The following TSC22D2 variants were observed in gnomAD, a reference collection of about 807,000 sequenced individuals.
The protein encoded by TSC22D2 is TSC22 domain family protein 2.
A neutral mutation model predicts 50.1 loss-of-function variants in TSC22D2; 5 were observed. The observed-to-expected ratio is 0.10, with a 90% CI of 0.05 to 0.21. TSC22D2 has a LOEUF of 0.21. Ranked by LOEUF, TSC22D2 falls within the 10% of genes least tolerant of loss-of-function variation. The probability of loss-of-function intolerance (pLI) is 1.00; values close to 1 mark genes in which losing one functional copy is unlikely to be tolerated. For synonymous variants in TSC22D2, 501 were observed against 450.1 expected, an observed-to-expected ratio of 1.11 and a Z score of -1.43; for missense variants, 1,003 against 1,015.5, an observed-to-expected ratio of 0.99 and a Z score of 0.17.
rs1290274472 is a variant in TSC22D2 at position 150,408,559 on chromosome 3, G to A, written c.-792G>A. ...CCCTCTCTGAGAGAAGCCGCGAGGG[G>A]AGGCCGAGACCGCCGTCGCCGCCCG... On this transcript the variant is annotated 5_prime_UTR_variant, in exon 1 of 3. Coordinates refer to ENST00000688009, the MANE Select transcript of TSC22D2 (RefSeq NM_001303264.2). 1 of 152,382 alleles carries A rather than the reference G, an allele frequency of 6.6e-6. No individual in the cohort carries two copies. Among genetic ancestry groups the A allele is most frequent in the Non-Finnish European group, 1.5e-5 (1 of 68,274 alleles). The allele number at this position is 152,382 out of a possible 1,614,324, so 9.4% of individuals were successfully genotyped here. A position where few individuals can be genotyped will look rare whatever the true frequency, so the allele number is the denominator to read the frequency against.
In TSC22D2 at chr3:150,462,557, T is replaced by G. The variant is rs1198746536; in HGVS notation, c.*3921T>G. On this transcript the variant is annotated 3_prime_UTR_variant, in exon 3 of 3. Coordinates refer to ENST00000688009, the MANE Select transcript of TSC22D2 (RefSeq NM_001303264.2). ...CATGAAGGAAGTTTGTCTTGGGTCT[T>G]TCTGTACCATTTTCCTCTCCACAAT... 1 of 152,138 alleles carries G rather than the reference T, an allele frequency of 6.6e-6. No homozygotes were observed. Among genetic ancestry groups the G allele is most frequent in the Non-Finnish European group, 1.5e-5 (1 of 68,026 alleles). The allele number at this position is 152,138 out of a possible 1,614,324, so 9.4% of individuals were successfully genotyped here. A position where few individuals can be genotyped will look rare whatever the true frequency, so the allele number is the denominator to read the frequency against.
At chr3:150,417,802 G>A (rs187188110) in intron 1 of TSC22D2, among the ~76,000 whole-genome samples, 144 of 152,130 alleles carry the variant, frequency 9.5e-4, no homozygotes, top group Admixed American at 2.8e-3. Flanking sequence ...TAATATGAAA[G>A]CGTAATTGTA....
At chr3:150,456,626 G>GGA (rs397950938) in intron 1 of TSC22D2, among the ~76,000 whole-genome samples, 37 of 56,770 alleles carry the variant, frequency 6.5e-4, no homozygotes, top group Middle Eastern at 0.01. Flanking sequence ...GGAGGGACTA[G>GGA]AAAAAAAAAA....
chr3:150,409,544 G>T lies in TSC22D2; in HGVS notation c.194G>T (p.Arg65Leu). The T allele has an allele frequency of 6.2e-7, 1 of 1,605,426 alleles. No individual in the cohort carries two copies. The highest frequency in any genetic ancestry group is 1.1e-5 in the South Asian group (1 of 90,942). Reference sequence around the variant, plus strand: ...TATGGCCCTGAGGAGGTCTGCGAGCGCAGCTCTTCCGAAGAGACGCTTAAC... The same window carrying T: ...TATGGCCCTGAGGAGGTCTGCGAGCTCAGCTCTTCCGAAGAGACGCTTAAC... ...TDYGPEEVCE[R>L]SSSEETLNNV... is the part of the protein sequence containing the mutation. Residue 65 changes from arginine (R) to leucine (L), a missense_variant, in exon 1 of 3, where the codon CGC (arginine) becomes CTC (leucine). By Grantham distance (102) the Arg-to-Leu change is moderately radical. Around this residue, in one of 6 missense-constraint regions of TSC22D2, gnomAD observed 200 missense variants for 182.8 expected, o/e 1.09. Coordinates refer to ENST00000688009, the MANE Select transcript of TSC22D2 (RefSeq NM_001303264.2). The surrounding 1 kb of genome is among the most constrained non-coding windows in gnomAD (Gnocchi z 7.4).
intron 1 of TSC22D2, among the ~76,000 whole-genome samples, chr3:150,449,370 TTCTA>T (rs1294542056): frequency 1.3e-5 from 2 of 152,178 alleles, no homozygotes; most frequent in Non-Finnish European, 2.9e-5. Flanking sequence ...GTACTCTTGC[TTCTA>T]TCTCTGTCCT....
chr3:150,426,605 C>T (rs556971314), intron 1 of TSC22D2, among the ~76,000 whole-genome samples: 1 of 152,150 alleles, frequency 6.6e-6, no homozygotes, highest in South Asian at 2.1e-4. Flanking sequence ...TTAACCTCAT[C>T]GATAAGCACT....
chr3:150,442,997 C>T (rs1189641335), intron 1 of TSC22D2, among the ~76,000 whole-genome samples: 2 of 152,116 alleles, frequency 1.3e-5, no homozygotes, highest in African/African-American at 2.4e-5. Flanking sequence ...AACCAATGCC[C>T]TTTTATTTAA....
intron 1 of TSC22D2, among the ~76,000 whole-genome samples, chr3:150,445,692 A>G (rs1416713473): frequency 6.6e-6 from 1 of 152,208 alleles, no homozygotes; most frequent in Non-Finnish European, 1.5e-5. Context: ...ACAGTCTCAC[A>G]TAATCCTTAT....
Position 150,410,839 on chromosome 3 carries a change from G to A in TSC22D2, c.1489G>A (p.Gly497Ser), listed in dbSNP as rs36123462. Reference sequence around the variant, plus strand: ...CAGTGGTCCGCTGTCAGCCGTACCTGGTGGCCCTCACGCCGTGGTGCCCGG... The same window carrying A: ...CAGTGGTCCGCTGTCAGCCGTACCTAGTGGCCCTCACGCCGTGGTGCCCGG... Reference protein sequence around the residue: ...GGSGPLSAVPGGPHAVVPGVP... With the variant: ...GGSGPLSAVPSGPHAVVPGVP... The change falls in exon 1 of 3, where the codon GGT becomes AGT. Residue 497 changes from glycine to serine, a missense_variant. Physicochemically the swap from Gly to Ser is moderately conservative, Grantham distance 56. Transcript: ENST00000688009. The A allele has an allele frequency of 8.4e-4, 1,359 of 1,613,740 alleles. 8 individuals are homozygous for A. The African/African-American group carries it at 0.016, about 19-fold the overall frequency.
chr3:150,417,073 A>G (rs754024068), intron 1 of TSC22D2, among the ~76,000 whole-genome samples: 2 of 152,130 alleles, frequency 1.3e-5, no homozygotes, highest in African/African-American at 2.4e-5. Flanking sequence ...TATACCTATT[A>G]TTAGGGTAGG....
At chr3:150,445,923 A>G (rs772771579) in intron 1 of TSC22D2, among the ~76,000 whole-genome samples, 2 of 151,792 alleles carry the variant, frequency 1.3e-5, no homozygotes, top group Middle Eastern at 3.2e-3. Flanking sequence ...GTGAAACCCC[A>G]TTTCTACTAA....
chr3:150,438,666 C>T (rs1720624195), intron 1 of TSC22D2, among the ~76,000 whole-genome samples: 1 of 151,958 alleles, frequency 6.6e-6, no homozygotes, highest in Admixed American at 6.6e-5. Context: ...AACCCAAATA[C>T]TTTTTAGGTG....
intron 1 of TSC22D2, among the ~76,000 whole-genome samples, chr3:150,415,764 T>C (rs776404050): frequency 6.6e-5 from 10 of 152,168 alleles, no homozygotes; most frequent in Non-Finnish European, 1.0e-4. Context: ...TACAGTGAGC[T>C]ATATTATAAT....
rs756616791 is a variant in TSC22D2 at position 150,409,814 on chromosome 3, C to T, written c.464C>T (p.Pro155Leu). 6 of 1,604,502 alleles carry T rather than the reference C, an allele frequency of 3.7e-6. No homozygotes were observed. In the African/African-American group the frequency reaches 8.0e-5, roughly 21 times the overall value. The change falls in exon 1 of 3, where the codon CCC (proline) becomes CTC (leucine). Residue 155 changes from proline to leucine, a missense_variant. Pro to Leu is a moderately conservative substitution (Grantham distance 98, BLOSUM62 -3). Around this residue, in one of 6 missense-constraint regions of TSC22D2, gnomAD observed 200 missense variants for 182.8 expected, o/e 1.09. Coordinates refer to ENST00000688009, the MANE Select transcript of TSC22D2 (RefSeq NM_001303264.2). The surrounding 1 kb of genome is among the most constrained non-coding windows in gnomAD (Gnocchi z 7.4). The part of the protein sequence containing the change: ...GPVTAAPSQP[P>L]TTCSSRFRVI... Reference sequence around the variant, plus strand: ...GTGACTGCAGCCCCATCTCAGCCTCCCACCACATGTAGTTCCCGTTTTCGC... The same window carrying T: ...GTGACTGCAGCCCCATCTCAGCCTCTCACCACATGTAGTTCCCGTTTTCGC...
intron 1 of TSC22D2, among the ~76,000 whole-genome samples, chr3:150,421,184 A>G (rs1356679911): frequency 6.6e-6 from 1 of 152,242 alleles, no homozygotes; most frequent in Non-Finnish European, 1.5e-5. Flanking sequence ...CTTGCAGAAT[A>G]ACTTCCAAGA....
chr3:150,424,174 A>G (rs1327156965), intron 1 of TSC22D2, among the ~76,000 whole-genome samples: 1 of 152,188 alleles, frequency 6.6e-6, no homozygotes, highest in Non-Finnish European at 1.5e-5. Flanking sequence ...TAGAACAGGA[A>G]GTTTTAAAAT....
intron 1 of TSC22D2, among the ~76,000 whole-genome samples, chr3:150,444,666 T>A (rs559589045): frequency 6.6e-6 from 1 of 152,338 alleles, no homozygotes; most frequent in Admixed American, 6.5e-5. Flanking sequence ...TATTGTAAAA[T>A]TCTGTCATTC....
At chr3:150,440,063 T>C (rs950300814) in intron 1 of TSC22D2, among the ~76,000 whole-genome samples, 1 of 152,224 alleles carries the variant, frequency 6.6e-6, no homozygotes, top group Non-Finnish European at 1.5e-5. Flanking sequence ...TTAATAGATA[T>C]TATCAATATC....
rs752529992 is a variant in TSC22D2, at chr3:150,410,398, G to A, written c.1048G>A (p.Ala350Thr). The part of the protein sequence containing the change: ...PQPGPAVGAP[A>T]AQQPQQFAYP... ...GCCGGGCCCTGCAGTGGGCGCCCCC[G>A]CGGCGCAGCAGCCCCAGCAGTTCGC... Residue 350 changes from alanine (A) to threonine (T), a missense_variant, in exon 1 of 3, where the codon GCG (alanine) becomes ACG (threonine). By Grantham distance (58) the Ala-to-Thr change is moderately conservative (BLOSUM62 0). Transcript: ENST00000688009. 1 of 1,607,294 alleles carries A rather than the reference G, an allele frequency of 6.2e-7. No individual in the cohort carries two copies.
Sources: allele counts gnomAD v4.1 joint callset (sites outside exome capture counted in the v4.1 genomes callset), GRCh38; gene constraint gnomAD v4.1.1; regional missense constraint gnomAD v4.1.1; non-coding constraint Gnocchi (gnomAD v3.1); transcripts MANE v1.5; gene names NCBI Gene and HGNC (gene_info 2026-07-23, HGNC 2026-07-21).